The following ENAH variants were observed in gnomAD, a reference collection of about 807,000 sequenced individuals.
ENAH encodes protein enabled homolog.
A neutral mutation model predicts 78.7 loss-of-function variants in ENAH; 23 were observed. The observed-to-expected ratio is 0.29, with a 90% CI of 0.21 to 0.41. ENAH has a LOEUF of 0.41. ENAH is among the 10% of genes least tolerant of loss of function. The pLI is 1.00. For missense variants in ENAH, 544 were observed against 691.0 expected (o/e 0.79, Z 2.39); for synonymous variants, 226 against 241.0 (o/e 0.94, Z 0.58).
At chr1:225,534,562 CAT>C (rs2096552765) in intron 3 of ENAH, among the ~76,000 whole-genome samples, 1 of 151,932 alleles carries the variant, frequency 6.6e-6, no homozygotes, top group East Asian at 1.9e-4. Context: ...TTCTGAGTCA[CAT>C]AAAGTACATA....
chr1:225,530,904 G>T, intron 3 of ENAH: 1 of 417,668 alleles, frequency 2.4e-6, no homozygotes, highest in South Asian at 1.0e-4. Flanking sequence ...TGAAGAGCTT[G>T]AGTAAAACAA....
chr1:225,524,832 TTCC>T (rs2096493066), intron 4 of ENAH, among the ~76,000 whole-genome samples: 1 of 152,216 alleles, frequency 6.6e-6, no homozygotes, highest in African/African-American at 2.4e-5. Flanking sequence ...TAGAATATGT[TTCC>T]TCATCATGGC....
intron 1 of ENAH, among the ~76,000 whole-genome samples, chr1:225,634,296 T>G (rs1039588679): frequency 3.3e-5 from 5 of 152,226 alleles, no homozygotes; most frequent in African/African-American, 1.2e-4. Flanking sequence ...TTAAAATATG[T>G]TGAACATATT....
At chr1:225,512,030 C>T (rs1415243288) in intron 9 of ENAH, among the ~76,000 whole-genome samples, 171 bp from the exon 10 acceptor site, 1 of 152,192 alleles carries the variant, frequency 6.6e-6, no homozygotes, top group Non-Finnish European at 1.5e-5. Flanking sequence ...TGTCTTCAAC[C>T]ATCTTCCCTT....
At chr1:225,628,052 A>C (rs2148325084) in intron 1 of ENAH, among the ~76,000 whole-genome samples, 1 of 152,360 alleles carries the variant, frequency 6.6e-6, no homozygotes, top group South Asian at 2.1e-4. Flanking sequence ...AGGGGCAGAA[A>C]CTGGTAAACC....
intron 4 of ENAH, chr1:225,524,592 TACTC>T (rs2096491357): frequency 1.0e-6 from 1 of 985,160 alleles, no homozygotes; most frequent in Non-Finnish European, 1.2e-6. Flanking sequence ...CAAGAGTTGA[TACTC>T]ACAAGAGAAG....
intron 1 of ENAH, among the ~76,000 whole-genome samples, chr1:225,576,622 G>A (rs1432422123): frequency 6.6e-6 from 1 of 152,098 alleles, no homozygotes; most frequent in Non-Finnish European, 1.5e-5. Flanking sequence ...TAACACTAAA[G>A]AAAAAGCTTT....
chr1:225,617,138 G>A (rs987407044), intron 1 of ENAH, among the ~76,000 whole-genome samples: 1 of 151,736 alleles, frequency 6.6e-6, no homozygotes, highest in African/African-American at 2.4e-5. Flanking sequence ...TCCAACTTAA[G>A]TGCTGACCTC....
intron 2 of ENAH, among the ~76,000 whole-genome samples, chr1:225,555,998 C>T (rs2096664677): frequency 6.6e-6 from 1 of 152,144 alleles, no homozygotes; most frequent in South Asian, 2.1e-4. Context: ...CGTATCTGCT[C>T]TCTTATCCTC....
intron 1 of ENAH, among the ~76,000 whole-genome samples, chr1:225,623,490 G>C (rs917264825): frequency 2.0e-5 from 3 of 151,760 alleles, no homozygotes; most frequent in African/African-American, 7.3e-5. Flanking sequence ...GGGGTATGCA[G>C]GTTTGTTACA....
At chr1:225,531,473 G>A (rs901024706) in intron 3 of ENAH, among the ~76,000 whole-genome samples, 1 of 152,006 alleles carries the variant, frequency 6.6e-6, no homozygotes, top group Non-Finnish European at 1.5e-5. Context: ...GATAAATACT[G>A]GACCTAATAT....
Position 225,591,266 on chromosome 1 carries a change from C to T in ENAH, c.6-23852G>A, listed in dbSNP as rs1046242423. Among the ~76,000 whole-genome samples, 10 of 152,084 alleles carry T rather than the reference C, an allele frequency of 6.6e-5. No individual in the cohort carries two copies. In the East Asian group the frequency reaches 1.4e-3, roughly 21 times the overall value. ...GGGGGATCATCTGAGGTCAGGAGTT[C>T]GAGACCAGTCTGGCTAACATGGTGA... On this transcript the variant is annotated intron_variant, in intron 1 of 13. Transcript: ENST00000366843.
At chr1:225,501,196 T>A in intron 11 of ENAH, 126 bp from the exon 12 acceptor site, 1 of 649,168 alleles carries the variant, frequency 1.5e-6, no homozygotes, top group Non-Finnish European at 2.6e-6. Flanking sequence ...GCCATTTTCT[T>A]AAAAAATTAT....
chr1:225,588,256 A>G (rs971630706), intron 1 of ENAH, among the ~76,000 whole-genome samples: 1 of 152,210 alleles, frequency 6.6e-6, no homozygotes, highest in Non-Finnish European at 1.5e-5. Flanking sequence ...AAAATCTACG[A>G]AACATAAATC....
intron 5 of ENAH, chr1:225,517,707 TCGAGAG>T: frequency 2.6e-6 from 4 of 1,550,834 alleles, no homozygotes; most frequent in Non-Finnish European, 3.5e-6. Flanking sequence ...GAGAAGAAGG[TCGAGAG>T]TTTTTGTTCA....
rs2096388506 is a variant in ENAH at position 225,512,927 on chromosome 1, G to A, written c.1308C>T (p.Pro436=). Reference sequence around the variant, plus strand: ...TTAAACCACTACCCCCTAAAGGAAGGGGTCCATTTCCACGGCCTGTATCTG... The same window carrying A: ...TTAAACCACTACCCCCTAAAGGAAGAGGTCCATTTCCACGGCCTGTATCTG... The part of the protein sequence containing the change: ...SKTDTGRGNG[P]LPLGGSGLME... Residue 436 remains proline (P), a synonymous_variant, in exon 8 of 14, where the codon CCC becomes CCT. Transcript: ENST00000366843. The A allele has an allele frequency of 6.2e-7, 1 of 1,613,878 alleles. No individual in the cohort carries two copies. Among genetic ancestry groups the A allele is most frequent in the South Asian group, 1.1e-5 (1 of 91,064 alleles).
At chr1:225,535,674 G>A (rs555660611) in intron 3 of ENAH, 6 of 404,976 alleles carry the variant, frequency 1.5e-5, no homozygotes, top group East Asian at 7.8e-5. Flanking sequence ...TTATACATAC[G>A]TCCTATCTAG....
chr1:225,599,431 T>C (rs981051439), intron 1 of ENAH, among the ~76,000 whole-genome samples: 2 of 152,198 alleles, frequency 1.3e-5, no homozygotes, highest in African/African-American at 4.8e-5. Flanking sequence ...TGTAGGAGAA[T>C]GCCTGTGTTA....
chr1:225,622,585 T>C (rs960175572), intron 1 of ENAH, among the ~76,000 whole-genome samples: 2 of 152,174 alleles, frequency 1.3e-5, no homozygotes, highest in Non-Finnish European at 2.9e-5. Context: ...CAAGATCAAA[T>C]TGCCAACAGA....
Sources: allele counts gnomAD v4.1 joint callset (sites outside exome capture counted in the v4.1 genomes callset), GRCh38; gene constraint gnomAD v4.1.1; transcripts MANE v1.5; gene names NCBI Gene and HGNC (gene_info 2026-07-23, HGNC 2026-07-21).